Variants in NAV3 observed in about 807,000 individuals in gnomAD.
NAV3 encodes the protein pore membrane and/or filament interacting like protein 1.
NAV3 carries 87 observed loss-of-function variants against 244.7 expected under a neutral mutation model. The ratio of observed to expected loss-of-function variants is 0.36; its 90% CI spans 0.30 to 0.42. The LOEUF (loss-of-function observed/expected upper bound fraction) is 0.42. Among genes scored for constraint, NAV3 ranks in the 20% least tolerant of loss-of-function variants. The probability of loss-of-function intolerance (pLI) is 1.00; values close to 1 mark genes in which losing one functional copy is unlikely to be tolerated. For synonymous variants in NAV3, 1,126 were observed against 1,042.2 expected (o/e 1.08, Z -1.55); for missense variants, 2,663 against 2,893.3 (o/e 0.92, Z 1.83).
chr12:77,976,294 G>A (rs955338957), intron 5 of NAV3, among the ~76,000 whole-genome samples: 1 of 152,082 alleles, frequency 6.6e-6, no homozygotes, highest in South Asian at 2.1e-4. Flanking sequence ...AAAAATCATG[G>A]AAAAATAAGC....
intron 2 of NAV3, among the ~76,000 whole-genome samples, chr12:77,658,478 A>C (rs1873241640): frequency 6.7e-6 from 1 of 148,932 alleles, no homozygotes; most frequent in South Asian, 2.2e-4. Flanking sequence ...CAAATGGAAG[A>C]ACATTCCATG....
intron 2 of NAV3, among the ~76,000 whole-genome samples, chr12:77,659,146 A>C (rs2137027781): frequency 6.6e-6 from 1 of 151,948 alleles, no homozygotes; most frequent in Non-Finnish European, 1.5e-5. Flanking sequence ...GCACAGCAAA[A>C]GAAACTACCA....
At chr12:78,046,371 G>A (rs1356831181) in intron 9 of NAV3, among the ~76,000 whole-genome samples, 1 of 152,194 alleles carries the variant, frequency 6.6e-6, no homozygotes, top group African/African-American at 2.4e-5. Flanking sequence ...GGCATTTAGT[G>A]CTATGAATTT....
intron 1 of NAV3, among the ~76,000 whole-genome samples, chr12:77,889,979 T>C (rs1040164339): frequency 6.6e-6 from 1 of 152,112 alleles, no homozygotes; most frequent in African/African-American, 2.4e-5. Flanking sequence ...GAATAACCAG[T>C]CAAAACTGAC....
intron 1 of NAV3, among the ~76,000 whole-genome samples, chr12:77,882,692 T>A (rs1731753): frequency 6.6e-6 from 1 of 152,082 alleles, no homozygotes; most frequent in Non-Finnish European, 1.5e-5. Flanking sequence ...TTCAATGAAG[T>A]TCTAATATTT....
intron 2 of NAV3, among the ~76,000 whole-genome samples, chr12:77,655,929 G>C (rs1873077006): frequency 7.0e-6 from 1 of 143,638 alleles, no homozygotes; most frequent in Admixed American, 6.8e-5. Context: ...TCACCACCAG[G>C]CCTGCCCTAA....
At chr12:77,694,849 A>G (rs147278370) in intron 2 of NAV3, among the ~76,000 whole-genome samples, 1 of 152,252 alleles carries the variant, frequency 6.6e-6, no homozygotes, top group African/African-American at 2.4e-5. Context: ...CATTTTGGAG[A>G]TGTTTTGAGT....
intron 2 of NAV3, among the ~76,000 whole-genome samples, chr12:77,770,109 T>A (rs1452708096): frequency 6.6e-6 from 1 of 152,182 alleles, no homozygotes; most frequent in East Asian, 1.9e-4. Context: ...AATGTAAGGC[T>A]AGAGCTCAAC....
At chr12:77,853,957 G>A (rs1877952474) in intron 1 of NAV3, among the ~76,000 whole-genome samples, 1 of 152,128 alleles carries the variant, frequency 6.6e-6, no homozygotes, top group African/African-American at 2.4e-5. Context: ...AGGGATAATT[G>A]AGGAACTCAG....
chr12:78,134,391 T>A (rs577004010), intron 18 of NAV3, among the ~76,000 whole-genome samples: 8 of 152,198 alleles, frequency 5.3e-5, no homozygotes, highest in Non-Finnish European at 1.0e-4. Flanking sequence ...AAATAACACC[T>A]TTGAAATTCT....
At chr12:77,744,144 A>C (rs953932511) in intron 2 of NAV3, among the ~76,000 whole-genome samples, 4 of 152,008 alleles carry the variant, frequency 2.6e-5, no homozygotes, top group Non-Finnish European at 4.4e-5. Context: ...AAAGAAAGCT[A>C]TTTCCATACA....
chr12:77,734,938 G>A (rs1448771848), intron 2 of NAV3, among the ~76,000 whole-genome samples: 7 of 152,066 alleles, frequency 4.6e-5, no homozygotes, highest in African/African-American at 1.7e-4. Flanking sequence ...TAATAGCCTT[G>A]ATGTTTTACA....
chr12:77,610,490 G>A (rs1431978230), intron 2 of NAV3, among the ~76,000 whole-genome samples: 3 of 152,096 alleles, frequency 2.0e-5, no homozygotes, highest in Non-Finnish European at 2.9e-5. Flanking sequence ...AATGTTGAAA[G>A]AGATGTGTCA....
chr12:77,612,887 G>T (rs1340695587), intron 2 of NAV3, among the ~76,000 whole-genome samples: 1 of 152,066 alleles, frequency 6.6e-6, no homozygotes, highest in Non-Finnish European at 1.5e-5. Flanking sequence ...CTGTTCTCAT[G>T]ACAGTGAGTG....
intron 15 of NAV3, among the ~76,000 whole-genome samples, chr12:78,120,452 A>G (rs182825371): frequency 6.6e-5 from 10 of 152,310 alleles, no homozygotes; most frequent in Admixed American, 3.3e-4. Context: ...ATACAGTGTC[A>G]TATCTTGACA....
At chr12:77,586,480 A>G (rs913568062) in intron 2 of NAV3, among the ~76,000 whole-genome samples, 4 of 152,206 alleles carry the variant, frequency 2.6e-5, no homozygotes, top group Non-Finnish European at 4.4e-5. Context: ...ATAATTAAAA[A>G]TGGGCTTTTG....
chr12:77,604,201 G>C (rs1870568475), intron 2 of NAV3, among the ~76,000 whole-genome samples: 1 of 152,066 alleles, frequency 6.6e-6, no homozygotes, highest in African/African-American at 2.4e-5. Flanking sequence ...CCACCAATCT[G>C]CATAGACAAT....
At chr12:78,127,039 T>G in intron 16 of NAV3, 128 bp from the exon 17 acceptor site, 548 of 738,510 alleles carry the variant, frequency 7.4e-4, no homozygotes, top group Middle Eastern at 1.6e-3. Context: ...CCTTTTTCAA[T>G]GAGTTAAGCA....
intron 12 of NAV3, among the ~76,000 whole-genome samples, chr12:78,069,084 C>T (rs1307482671): frequency 2.0e-5 from 3 of 151,828 alleles, no homozygotes; most frequent in Non-Finnish European, 2.9e-5. Flanking sequence ...TTCCTCACTC[C>T]GGCTGCATAG....
Sources: gnomAD v4.1 joint callset for allele counts (sites outside exome capture counted in the v4.1 genomes callset) on GRCh38, gnomAD v4.1.1 for gene constraint, MANE v1.5 for transcripts, NCBI Gene and HGNC (gene_info 2026-07-23, HGNC 2026-07-21) for gene names.